The following SEC24A variants were observed in gnomAD, a reference collection of about 807,000 sequenced individuals.
SEC24A encodes the protein protein transport protein Sec24A.
SEC24A carries 93 observed loss-of-function variants against 129.4 expected under a neutral mutation model. The observed-to-expected ratio is 0.72, with a 90% confidence interval of 0.61 to 0.85. The LOEUF is 0.85. Among genes scored for constraint, SEC24A ranks in the 40% least tolerant of loss-of-function variants. SEC24A has a pLI of 0.00. For synonymous variants in SEC24A, 460 were observed against 467.3 expected, an observed-to-expected ratio of 0.98 and a Z score of 0.20; for missense variants, 1,264 against 1,307.4, an observed-to-expected ratio of 0.97 and a Z score of 0.51.
chr5:134,658,024 T>G (rs978874423), intron 1 of SEC24A, among the ~76,000 whole-genome samples: 11 of 152,158 alleles, frequency 7.2e-5, no homozygotes, highest in African/African-American at 2.4e-4. Context: ...ATCCCAGCAC[T>G]TTGGGAGGCT....
rs760078790 is a variant in SEC24A at position 134,674,730 on chromosome 5, A to T, written c.933A>T (p.Pro311=). The part of the protein sequence containing the change: ...NTTPPGATGV[P]PSSLNYPSGP... ...CACCACCTGGTGCAACTGGAGTACC[A>T]CCCTCTTCCTTGAATTACCCAAGTG... Residue 311 remains proline, a synonymous_variant, in exon 5 of 23, where the codon CCA becomes CCT. Coordinates refer to ENST00000398844, the MANE Select transcript of SEC24A (RefSeq NM_021982.3). 1.2e-6 allele frequency: 2 copies of T among 1,613,904 alleles called. No individual in the cohort carries two copies. Among genetic ancestry groups the T allele is most frequent in the Non-Finnish European group, 1.7e-6 (2 of 1,179,918 alleles).
chr5:134,653,285 T>C (rs2150066330), intron 1 of SEC24A, among the ~76,000 whole-genome samples: 1 of 152,244 alleles, frequency 6.6e-6, no homozygotes, highest in South Asian at 2.1e-4. Context: ...GGTCTTGCTC[T>C]GTCACCCAAG....
intron 9 of SEC24A, among the ~76,000 whole-genome samples, chr5:134,683,109 G>A (rs572250964): frequency 1.1e-3 from 169 of 151,362 alleles, no homozygotes; most frequent in African/African-American, 3.9e-3. Flanking sequence ...TGCAACCTCC[G>A]CCTCCCGGGT....
At chr5:134,692,571 GT>G in intron 11 of SEC24A, 30 bp from the exon 12 acceptor site, 1 of 1,082,046 alleles carries the variant, frequency 9.2e-7, no homozygotes, top group Non-Finnish European at 1.4e-6. Context: ...ATTACATTTT[GT>G]TTAAAATAAA....
intron 18 of SEC24A, among the ~76,000 whole-genome samples, chr5:134,709,392 T>G (rs1009127759): frequency 6.6e-6 from 1 of 152,276 alleles, no homozygotes; most frequent in East Asian, 1.9e-4. Flanking sequence ...AGAAAACTGA[T>G]TCAGAGCAAG....
At chr5:134,696,645 C>G (rs1017206970) in intron 13 of SEC24A, among the ~76,000 whole-genome samples, 1 of 152,000 alleles carries the variant, frequency 6.6e-6, no homozygotes, top group Non-Finnish European at 1.5e-5. Flanking sequence ...ACTACAGGCA[C>G]CTGCAACCAT....
At chr5:134,668,081 G>A (rs537286045) in intron 3 of SEC24A, among the ~76,000 whole-genome samples, 1 of 151,422 alleles carries the variant, frequency 6.6e-6, no homozygotes, top group South Asian at 2.1e-4. Flanking sequence ...TGGTGTGCTG[G>A]CATGTGCCTG....
chr5:134,656,642 G>A (rs908760716), intron 1 of SEC24A, among the ~76,000 whole-genome samples: 2 of 151,844 alleles, frequency 1.3e-5, no homozygotes, highest in African/African-American at 4.8e-5. Context: ...CACCATGCCC[G>A]GCTAATTTTT....
chr5:134,649,165 A>G lies in SEC24A; in HGVS notation c.89A>G (p.Tyr30Cys), dbSNP rs1333782768. The G allele has an allele frequency of 6.2e-6, 10 of 1,605,454 alleles. No individual in the cohort carries two copies. Among genetic ancestry groups the G allele is most frequent in the South Asian group, 1.1e-5 (1 of 89,898 alleles). Residue 30 changes from tyrosine to cysteine, a missense_variant, in exon 1 of 23, where the codon TAC (tyrosine) becomes TGC (cysteine). Transcript: ENST00000398844. ...NGAALASGSP[Y>C]TNGPVQNALL... ...GCCGCCTTGGCCTCGGGGTCTCCCT[A>G]CACCAACGGTGAGTGCTGTCCGGGG...
At chr5:134,688,557 T>C (rs1195233704) in intron 11 of SEC24A, among the ~76,000 whole-genome samples, 1 of 152,154 alleles carries the variant, frequency 6.6e-6, no homozygotes, top group Non-Finnish European at 1.5e-5. Flanking sequence ...TAGGCTTTTT[T>C]TCCCCCTTCT....
chr5:134,702,543 G>A (rs920688897), intron 15 of SEC24A, among the ~76,000 whole-genome samples: 6 of 152,044 alleles, frequency 3.9e-5, no homozygotes, highest in Non-Finnish European at 7.4e-5. Flanking sequence ...GGTATATACC[G>A]AATTTCCTAT....
At chr5:134,705,972 C>G (rs550613393) in intron 17 of SEC24A, among the ~76,000 whole-genome samples, 1 of 151,336 alleles carries the variant, frequency 6.6e-6, no homozygotes, top group Non-Finnish European at 1.5e-5. Flanking sequence ...ACCACAACCT[C>G]TATCTCCTGG....
chr5:134,697,991 G>A lies in SEC24A; in HGVS notation c.2200G>A (p.Glu734Lys). Residue 734 changes from glutamate (E) to lysine (K), a missense_variant, in exon 15 of 23, where the codon GAA becomes AAA. Physicochemically the swap from Glu to Lys is moderately conservative, Grantham distance 56. Transcript: ENST00000398844. ...AGTCCAAGTACAGAAATTACAGAAG[G>A]AACTACAGAGATACCTTACTCGGAA... The part of the protein sequence containing the change: ...NPVQVQKLQK[E>K]LQRYLTRKIG... The A allele has an allele frequency of 1.2e-6, 2 of 1,613,876 alleles. No homozygotes were observed. The highest frequency in any genetic ancestry group is 1.7e-6 in the Non-Finnish European group (2 of 1,179,914).
chr5:134,706,917 T>A (rs1752176043), intron 17 of SEC24A, among the ~76,000 whole-genome samples: 1 of 151,800 alleles, frequency 6.6e-6, no homozygotes, highest in Non-Finnish European at 1.5e-5. Flanking sequence ...TCTCAATCTC[T>A]TGACCTCGTG....
At chr5:134,662,371 G>A (rs922326911) in intron 2 of SEC24A, among the ~76,000 whole-genome samples, 1 of 151,876 alleles carries the variant, frequency 6.6e-6, no homozygotes, top group Admixed American at 6.6e-5. Flanking sequence ...AGCCAGGATG[G>A]TCTCGATCTC....
At chr5:134,686,104 T>C (rs1751441398) in intron 9 of SEC24A, among the ~76,000 whole-genome samples, 1 of 152,188 alleles carries the variant, frequency 6.6e-6, no homozygotes, top group South Asian at 2.1e-4. Flanking sequence ...CCCTAAATTG[T>C]GAAATCCAAC....
intron 1 of SEC24A, among the ~76,000 whole-genome samples, chr5:134,657,077 T>G (rs1750274097): frequency 6.6e-6 from 1 of 151,618 alleles, no homozygotes; most frequent in Admixed American, 6.6e-5. Context: ...GCCCAGCTAC[T>G]CAAGAGGGGA....
intron 2 of SEC24A, among the ~76,000 whole-genome samples, chr5:134,665,772 G>A (rs974975019): frequency 1.4e-4 from 21 of 152,190 alleles, no homozygotes; most frequent in African/African-American, 2.4e-4. Flanking sequence ...TGGCAGGCTT[G>A]TCTTGAACTC....
chr5:134,707,141 T>G (rs1752188913), intron 17 of SEC24A, among the ~76,000 whole-genome samples: 1 of 152,174 alleles, frequency 6.6e-6, no homozygotes, highest in Non-Finnish European at 1.5e-5. Context: ...CCGGCCTCAG[T>G]AGGTCCATTT....
Sources: gnomAD v4.1 joint callset for allele counts (sites outside exome capture counted in the v4.1 genomes callset) on GRCh38, gnomAD v4.1.1 for gene constraint, MANE v1.5 for transcripts, NCBI Gene and HGNC (gene_info 2026-07-23, HGNC 2026-07-21) for gene names.